Variants in ZNF652 observed in about 807,000 individuals in gnomAD.
ZNF652 encodes the protein zinc finger protein 652.
ZNF652 carries 16 observed loss-of-function variants against 45.2 expected under a neutral mutation model. The observed-to-expected ratio is 0.35, with a 90% CI of 0.24 to 0.54. The LOEUF is 0.54. Among genes scored for constraint, ZNF652 ranks in the 20% least tolerant of loss-of-function variants. The pLI, the probability that ZNF652 is intolerant of heterozygous loss-of-function variation, is 0.91. For synonymous variants in ZNF652, 250 were observed against 260.6 expected (o/e 0.96, Z 0.39); for missense variants, 614 against 765.6 (o/e 0.80, Z 2.34).
intron 1 of ZNF652, among the ~76,000 whole-genome samples, chr17:49,358,480 G>T (rs555518359): frequency 4.6e-5 from 7 of 151,966 alleles, no homozygotes; most frequent in African/African-American, 1.7e-4. Context: ...ACTTTTTTTT[G>T]TTGTTGTCTC....
chr17:49,321,238 T>C (rs764117507), intron 1 of ZNF652, among the ~76,000 whole-genome samples: 6 of 152,000 alleles, frequency 3.9e-5, no homozygotes, highest in Non-Finnish European at 8.8e-5. Context: ...ACCTACTGGA[T>C]AGACATATGT....
At chr17:49,328,206 G>A (rs2069986713) in intron 1 of ZNF652, among the ~76,000 whole-genome samples, 1 of 152,006 alleles carries the variant, frequency 6.6e-6, no homozygotes, top group South Asian at 2.1e-4. Context: ...AGTATGTGAA[G>A]GGAGGTGGTG....
intron 1 of ZNF652, among the ~76,000 whole-genome samples, chr17:49,339,377 A>C (rs2070119891): frequency 7.7e-6 from 1 of 130,240 alleles, no homozygotes; most frequent in Non-Finnish European, 1.6e-5. Flanking sequence ...TTCAGGACCT[A>C]TTTAAAAGTA....
At chr17:49,304,706 A>C (rs2069603202) in intron 5 of ZNF652, among the ~76,000 whole-genome samples, 2 of 152,298 alleles carry the variant, frequency 1.3e-5, no homozygotes, top group East Asian at 3.9e-4. Context: ...CAATGTAATG[A>C]GTCTGAAGAA....
chr17:49,298,681 G>A lies in ZNF652; in HGVS notation c.1553C>T (p.Ser518Phe). 1 of 1,614,062 alleles carries A rather than the reference G, an allele frequency of 6.2e-7. No homozygotes were observed. The highest frequency in any genetic ancestry group is 8.5e-7 in the Non-Finnish European group (1 of 1,180,032). Residue 518 changes from serine (S) to phenylalanine (F), a missense_variant, in exon 6 of 6, where the codon TCT (serine) becomes TTT (phenylalanine). This residue lies in a region of ZNF652 where 132 missense variants were observed against 137.2 expected (regional missense o/e 0.96). Coordinates refer to ENST00000430262, the MANE Select transcript of ZNF652 (RefSeq NM_001145365.3). Reference protein sequence around the residue: ...LTTSPATPVPSVVNTATTPTP... With the variant: ...LTTSPATPVPFVVNTATTPTP... ...TGGGGTTGTGGCTGTGTTCACCACA[G>A]AAGGAACTGGGGTGGCTGGGGAAGT... is the stretch of plus-strand genomic sequence containing the variant.
At chr17:49,334,020 C>T (rs2070055040) in intron 1 of ZNF652, among the ~76,000 whole-genome samples, 1 of 152,020 alleles carries the variant, frequency 6.6e-6, no homozygotes, top group African/African-American at 2.4e-5. Flanking sequence ...AATTCCAGTT[C>T]CAGGCATAAA....
At chr17:49,308,094 G>A (rs1419309476) in intron 5 of ZNF652, among the ~76,000 whole-genome samples, 1 of 152,048 alleles carries the variant, frequency 6.6e-6, no homozygotes, top group Non-Finnish European at 1.5e-5. Context: ...AATGTTAAGA[G>A]TGGTGATCTC....
At chr17:49,346,307 T>C (rs1408784052) in intron 1 of ZNF652, among the ~76,000 whole-genome samples, 1 of 152,196 alleles carries the variant, frequency 6.6e-6, no homozygotes, top group Non-Finnish European at 1.5e-5. Flanking sequence ...TCCCAGCACT[T>C]TGGGAGGCTG....
chr17:49,344,670 G>A (rs771548759), intron 1 of ZNF652, among the ~76,000 whole-genome samples: 10 of 151,712 alleles, frequency 6.6e-5, no homozygotes, highest in Admixed American at 2.6e-4. Context: ...ACAGGCGCAC[G>A]CCACCATGCC....
At chr17:49,327,761 ATATATATATATATATATATTT>A (rs1238768919) in intron 1 of ZNF652, among the ~76,000 whole-genome samples, 878 of 10,048 alleles carry the variant, frequency 0.087, 25 homozygotes, top group Non-Finnish European at 0.15. Flanking sequence ...ATATATATAT[ATATATATATATATATATATTT>A]TTTTTTTTTT....
intron 1 of ZNF652, among the ~76,000 whole-genome samples, chr17:49,351,373 T>C (rs2070281366): frequency 6.6e-6 from 1 of 151,982 alleles, no homozygotes; most frequent in South Asian, 2.1e-4. Flanking sequence ...AGATGGTAAG[T>C]ATAAAAAAAG....
intron 2 of ZNF652, 40 bp from the exon 3 acceptor site, chr17:49,312,885 C>T: frequency 1.3e-6 from 2 of 1,589,516 alleles, no homozygotes; most frequent in South Asian, 1.1e-5. Context: ...TAGGGGCTTA[C>T]AGCATGCCAT....
intron 5 of ZNF652, among the ~76,000 whole-genome samples, chr17:49,299,167 A>G (rs900218223): frequency 6.6e-6 from 1 of 151,856 alleles, no homozygotes; most frequent in African/African-American, 2.4e-5. Context: ...TTTGGACTTA[A>G]CAGATCACAG....
At chr17:49,326,314 C>G (rs2069956174) in intron 1 of ZNF652, among the ~76,000 whole-genome samples, 1 of 149,936 alleles carries the variant, frequency 6.7e-6, no homozygotes, top group African/African-American at 2.5e-5. Flanking sequence ...CTGGAGCTGA[C>G]AGGAGACAAG....
At chr17:49,340,888 G>A (rs144414341) in intron 1 of ZNF652, among the ~76,000 whole-genome samples, 1 of 152,236 alleles carries the variant, frequency 6.6e-6, no homozygotes, top group East Asian at 1.9e-4. Context: ...CACAGAGTGA[G>A]ACCCTGTCTC....
chr17:49,360,110 T>C (rs1249979409), intron 1 of ZNF652, among the ~76,000 whole-genome samples: 1 of 152,218 alleles, frequency 6.6e-6, no homozygotes. Context: ...GACTCTCACA[T>C]ACATTTCCTT....
chr17:49,301,024 T>A (rs1393040732), intron 5 of ZNF652, among the ~76,000 whole-genome samples: 1 of 152,196 alleles, frequency 6.6e-6, no homozygotes. Context: ...TCTGCACACA[T>A]GAAGGGATGT....
At chr17:49,302,184 G>A (rs972000510) in intron 5 of ZNF652, among the ~76,000 whole-genome samples, 7 of 152,064 alleles carry the variant, frequency 4.6e-5, no homozygotes, top group African/African-American at 1.4e-4. Context: ...AGCCTGGGAG[G>A]CAGAGGTTGC....
intron 1 of ZNF652, among the ~76,000 whole-genome samples, chr17:49,357,576 AACT>A (rs534526173): frequency 1.2e-3 from 183 of 152,336 alleles, no homozygotes; most frequent in African/African-American, 4.4e-3. Flanking sequence ...AATCAAATAT[AACT>A]ACTATATAAA....
Sources: allele counts gnomAD v4.1 joint callset (sites outside exome capture counted in the v4.1 genomes callset), GRCh38; gene constraint gnomAD v4.1.1; regional missense constraint gnomAD v4.1.1; transcripts MANE v1.5; gene names NCBI Gene and HGNC (gene_info 2026-07-23, HGNC 2026-07-21).